The following INSL6 variants were observed in gnomAD, a reference collection of about 807,000 sequenced individuals.
The protein encoded by INSL6 is insulin-like peptide INSL6.
A neutral mutation model predicts 9.4 loss-of-function variants in INSL6; 16 were observed. The observed-to-expected ratio is 1.70, with a 90% CI of 1.15 to 2.59. The LOEUF (loss-of-function observed/expected upper bound fraction) is 2.59, where lower values mean the gene tolerates loss of function less well. Among genes scored for constraint, INSL6 ranks in the 30% most tolerant of loss-of-function variants. The pLI is 0.00. For synonymous variants in INSL6, 154 were observed against 96.9 expected, an observed-to-expected ratio of 1.59 and a Z score of -3.46; for missense variants, 391 against 257.3, an observed-to-expected ratio of 1.52 and a Z score of -3.56.
chr9:5,008,257 T>C, the INSL6 span, among the ~76,000 whole-genome samples: 1 of 152,228 alleles, frequency 6.6e-6, no homozygotes, highest in Non-Finnish European at 1.5e-5. Flanking sequence ...CAAATTATAT[T>C]TTGTATGATT....
intron 1 of INSL6, among the ~76,000 whole-genome samples, chr9:5,167,873 C>T (rs939917663): frequency 6.6e-6 from 1 of 152,172 alleles, no homozygotes; most frequent in Non-Finnish European, 1.5e-5. Flanking sequence ...GAAGGAGCAG[C>T]CTGCCATCTT....
chr9:5,153,652 A>G (rs1285570021), intron 2 of INSL6, among the ~76,000 whole-genome samples: 1 of 152,224 alleles, frequency 6.6e-6, no homozygotes, highest in Non-Finnish European at 1.5e-5. Flanking sequence ...ATCAATGTGC[A>G]AAAGTCACAA....
the INSL6 span, among the ~76,000 whole-genome samples, chr9:5,015,669 T>C: frequency 6.6e-6 from 1 of 152,126 alleles, no homozygotes; most frequent in Non-Finnish European, 1.5e-5. Context: ...TTTCTCGTCA[T>C]GTACTTCCAG....
At chr9:5,095,973 C>A in the INSL6 span, among the ~76,000 whole-genome samples, 1 of 152,256 alleles carries the variant, frequency 6.6e-6, no homozygotes, top group African/African-American at 2.4e-5. Flanking sequence ...TTCTACTATC[C>A]CTAGGAGCTT....
At chr9:5,004,465 TTTC>T in the INSL6 span, among the ~76,000 whole-genome samples, 4 of 152,180 alleles carry the variant, frequency 2.6e-5, no homozygotes, top group African/African-American at 9.7e-5. Flanking sequence ...ATGACAAGAT[TTTC>T]TTCTTTTTTT....
chr9:5,097,471 A>C, the INSL6 span: 1 of 152,210 alleles, frequency 6.6e-6, no homozygotes, highest in Non-Finnish European at 1.5e-5. Flanking sequence ...GTATATGGGC[A>C]TAGTATGAGC....
At chr9:5,173,817 G>T (rs372499445) in intron 1 of INSL6, among the ~76,000 whole-genome samples, 1 of 150,110 alleles carries the variant, frequency 6.7e-6, no homozygotes, top group African/African-American at 2.4e-5. Context: ...CCAGAAACAC[G>T]AGGACAGGTC....
intron 1 of INSL6, among the ~76,000 whole-genome samples, chr9:5,168,181 G>A (rs765282966): frequency 3.3e-5 from 5 of 152,132 alleles, no homozygotes; most frequent in South Asian, 2.1e-4. Flanking sequence ...CCAAATGATC[G>A]TAACATGACT....
intron 1 of INSL6, among the ~76,000 whole-genome samples, chr9:5,180,901 T>C (rs953256713): frequency 1.3e-5 from 2 of 152,198 alleles, no homozygotes; most frequent in African/African-American, 4.8e-5. Context: ...CTTTGAAGCA[T>C]GTGATCTACT....
the INSL6 span, among the ~76,000 whole-genome samples, chr9:5,101,598 AGCCT>A: frequency 6.6e-6 from 1 of 152,244 alleles, no homozygotes; most frequent in African/African-American, 2.4e-5. Context: ...ATGCTTCTGT[AGCCT>A]AAGTGGGAGA....
the INSL6 span, chr9:5,081,732 A>G: frequency 6.3e-7 from 1 of 1,592,724 alleles, no homozygotes; most frequent in Non-Finnish European, 8.6e-7. Context: ...CAGATTATGA[A>G]CTATTAACAG....
At chr9:5,142,331 C>A (rs1564038410) in intron 2 of INSL6, among the ~76,000 whole-genome samples, 1 of 152,198 alleles carries the variant, frequency 6.6e-6, no homozygotes, top group Admixed American at 6.5e-5. Flanking sequence ...TATATTGATT[C>A]TTCCTATCCA....
At chr9:5,128,203 C>CT (rs2130871894) in intron 3 of INSL6, 2 of 225,710 alleles carry the variant, frequency 8.9e-6, no homozygotes, top group East Asian at 6.2e-5. Flanking sequence ...GTATGTTCTA[C>CT]TTTTTTGAAA....
At chr9:5,166,642 A>T (rs2130907727) in intron 1 of INSL6, among the ~76,000 whole-genome samples, 1 of 152,332 alleles carries the variant, frequency 6.6e-6, no homozygotes, top group African/African-American at 2.4e-5. Flanking sequence ...AAGTGTACCA[A>T]CAATATTCAA....
chr9:5,059,554 A>G, the INSL6 span, among the ~76,000 whole-genome samples: 1 of 151,912 alleles, frequency 6.6e-6, no homozygotes, highest in African/African-American at 2.4e-5. Flanking sequence ...GGACTTATGC[A>G]CTCTTTTTTT....
the INSL6 span, among the ~76,000 whole-genome samples, chr9:5,050,390 C>T: frequency 6.6e-6 from 1 of 152,190 alleles, no homozygotes; most frequent in African/African-American, 2.4e-5. Flanking sequence ...CCTACCTCAG[C>T]CCCCCAAGTA....
the INSL6 span, among the ~76,000 whole-genome samples, chr9:5,104,011 C>A: frequency 2.0e-5 from 3 of 152,086 alleles, no homozygotes; most frequent in East Asian, 3.9e-4. Flanking sequence ...AAAAGAACTA[C>A]AGAAGCAAGA....
intron 2 of INSL6, among the ~76,000 whole-genome samples, chr9:5,139,342 T>C (rs1439623358): frequency 6.6e-6 from 1 of 152,184 alleles, no homozygotes; most frequent in Non-Finnish European, 1.5e-5. Context: ...AACAAATTAA[T>C]TGCACAACAA....
chr9:5,078,892 T>A, the INSL6 span, among the ~76,000 whole-genome samples: 1 of 152,214 alleles, frequency 6.6e-6, no homozygotes, highest in South Asian at 2.1e-4. Flanking sequence ...AAACTTTGAT[T>A]TGTGTTTGTT....
Sources: allele counts gnomAD v4.1 joint callset (sites outside exome capture counted in the v4.1 genomes callset), GRCh38; gene constraint gnomAD v4.1.1; transcripts MANE v1.5; gene names NCBI Gene and HGNC (gene_info 2026-07-23, HGNC 2026-07-21).